Variants in SLC25A24 observed in about 807,000 individuals in gnomAD.
The protein encoded by SLC25A24 is solute carrier family 25 member 24, also known as mitochondrial adenyl nucleotide antiporter SLC25A24.
A neutral mutation model predicts 60.7 loss-of-function variants in SLC25A24; 49 were observed. The observed-to-expected ratio is 0.81, with a 90% CI of 0.64 to 1.02. The LOEUF (loss-of-function observed/expected upper bound fraction) is 1.02, where lower values mean the gene tolerates loss of function less well. SLC25A24 is among the 50% of genes least tolerant of loss of function. The pLI is 0.00. For missense variants in SLC25A24, 564 were observed against 586.3 expected (o/e 0.96, Z 0.39); for synonymous variants, 202 against 200.6 (o/e 1.01, Z -0.06).
rs181942129 is a variant in SLC25A24 at position 108,184,491 on chromosome 1, G to C, written c.310+1337C>G. On this transcript the variant is annotated intron_variant, in intron 2 of 9. Coordinates refer to ENST00000565488, the MANE Select transcript of SLC25A24 (RefSeq NM_013386.5). ...TTCCAACCCAAACTCAGCTCTTCCTGGCTGAGAGTCACAGATGTGAATAAT... is the reference window on the plus strand; with the variant it reads ...TTCCAACCCAAACTCAGCTCTTCCTCGCTGAGAGTCACAGATGTGAATAAT... 1.2e-4 allele frequency among the ~76,000 whole-genome samples: 18 copies of C among 152,324 alleles called. No individual in the cohort carries two copies. The East Asian group carries it at 3.3e-3, about 28-fold the overall frequency.
intron 3 of SLC25A24, among the ~76,000 whole-genome samples, chr1:108,181,270 CACA>C (rs1474308049): frequency 4.0e-5 from 6 of 149,186 alleles, no homozygotes; most frequent in Non-Finnish European, 5.9e-5. Context: ...TGAAAATATT[CACA>C]ACAATATTAA....
chr1:108,163,924 G>C lies in SLC25A24; in HGVS notation c.399-2631C>G, dbSNP rs192735848. Among the ~76,000 whole-genome samples, 379 of 152,266 alleles carry C rather than the reference G, an allele frequency of 2.5e-3. 1 individual carries two copies. Among genetic ancestry groups the C allele is most frequent in the African/African-American group, 8.7e-3 (360 of 41,536 alleles). On this transcript the variant is annotated intron_variant, in intron 3 of 9. Coordinates refer to ENST00000565488, the MANE Select transcript of SLC25A24 (RefSeq NM_013386.5). ...ACCCAGTCAGTATGATATTGGCTGT[G>C]GGTTTGTCATAGATAGCTGTTATTA... is the stretch of plus-strand genomic sequence containing the variant.
At chr1:108,180,921 AT>A (rs1204514716) in intron 3 of SLC25A24, among the ~76,000 whole-genome samples, 4 of 152,258 alleles carry the variant, frequency 2.6e-5, no homozygotes, top group African/African-American at 9.6e-5. Context: ...ATATAGGAAT[AT>A]GATTTCTGGC....
At chr1:108,175,201 A>G (rs1476465413) in intron 3 of SLC25A24, among the ~76,000 whole-genome samples, 12 of 152,194 alleles carry the variant, frequency 7.9e-5, no homozygotes, top group Non-Finnish European at 1.2e-4. Context: ...ATGTCACAGG[A>G]GGGACCCAGT....
intron 8 of SLC25A24, among the ~76,000 whole-genome samples, chr1:108,142,709 T>C (rs919555694): frequency 3.3e-5 from 5 of 152,196 alleles, no homozygotes; most frequent in African/African-American, 9.6e-5. Context: ...TTGCACAATA[T>C]TGTGAATGTA....
chr1:108,160,981 G>C (rs1680061057), intron 4 of SLC25A24, among the ~76,000 whole-genome samples: 1 of 151,882 alleles, frequency 6.6e-6, no homozygotes, highest in Non-Finnish European at 1.5e-5. Flanking sequence ...GGGAGAGAGA[G>C]GGAGAGGGAG....
At chr1:108,178,051 G>A (rs1434369408) in intron 3 of SLC25A24, among the ~76,000 whole-genome samples, 3 of 151,872 alleles carry the variant, frequency 2.0e-5, no homozygotes, top group Non-Finnish European at 2.9e-5. Flanking sequence ...TAGTCCCAGC[G>A]ACTCGGGAGG....
chr1:108,161,067 G>A (rs1162373649), intron 4 of SLC25A24, 115 bp downstream of exon 4: 2 of 599,710 alleles, frequency 3.3e-6, no homozygotes, highest in Non-Finnish European at 5.9e-6. Flanking sequence ...TACAGGTTAA[G>A]GAGCTACTGG....
chr1:108,179,629 C>T (rs1027228163), intron 3 of SLC25A24, among the ~76,000 whole-genome samples: 25 of 151,790 alleles, frequency 1.6e-4, no homozygotes, highest in African/African-American at 6.0e-4. Flanking sequence ...ATGAAATAAG[C>T]CAGGTAAAGA....
chr1:108,186,266 G>A (rs1254155065), intron 1 of SLC25A24, among the ~76,000 whole-genome samples: 1 of 152,088 alleles, frequency 6.6e-6, no homozygotes, highest in Non-Finnish European at 1.5e-5. Flanking sequence ...CCCCAAGATA[G>A]AAGACAACCA....
chr1:108,156,138 G>A (rs1343618653), intron 5 of SLC25A24, among the ~76,000 whole-genome samples: 1 of 152,200 alleles, frequency 6.6e-6, no homozygotes, highest in Non-Finnish European at 1.5e-5. Flanking sequence ...AGGAAAGTAA[G>A]ACATGGAGAC....
Position 108,154,555 on chromosome 1 carries a change from T to G in SLC25A24, c.822+428A>C, listed in dbSNP as rs147562660. On this transcript the variant is annotated intron_variant, in intron 6 of 9. Transcript: ENST00000565488. ...GTACATGGGGAAGAAGCCACGCCCC[T>G]GCCTTCATGGAGGTGTCACTCCAAA... 1.7e-3 allele frequency among the ~76,000 whole-genome samples: 266 copies of G among 152,334 alleles called. 1 individual carries two copies. The highest frequency in any genetic ancestry group is 6.2e-3 in the African/African-American group (256 of 41,576).
In SLC25A24 at chr1:108,193,002, C is replaced by T. The variant is rs1471236927; in HGVS notation, c.183+6954G>A. Among the ~76,000 whole-genome samples, 3 of 139,468 alleles carry T rather than the reference C, an allele frequency of 2.2e-5. 1 individual carries two copies. The highest frequency in any genetic ancestry group is 4.7e-5 in the Non-Finnish European group (3 of 63,642). 91.5% of individuals were successfully genotyped at this position (139,468 alleles called of 152,430 possible). A position where few individuals can be genotyped will look rare whatever the true frequency, so the allele number is the denominator to read the frequency against. The stretch of plus-strand genomic sequence containing the variant: ...CCAGAAACTTCCAGGGAGAACCCAG[C>T]ACAGGGCCATCTGAAAGTATAGCTT... On this transcript the variant is annotated intron_variant, in intron 1 of 9. Transcript: ENST00000565488.
chr1:108,163,986 A>G (rs1395062464), intron 3 of SLC25A24, among the ~76,000 whole-genome samples: 4 of 152,150 alleles, frequency 2.6e-5, no homozygotes, highest in Admixed American at 1.3e-4. Context: ...AATTTATTGA[A>G]AGTTTTTAGC....
intron 2 of SLC25A24, among the ~76,000 whole-genome samples, chr1:108,184,854 C>G (rs945671924): frequency 5.3e-5 from 8 of 152,136 alleles, no homozygotes; most frequent in African/African-American, 1.9e-4. Context: ...ATTTGTTTAA[C>G]CTGTTTCTTT....
chr1:108,180,207 T>TAA (rs71573044), intron 3 of SLC25A24, among the ~76,000 whole-genome samples: 4 of 149,802 alleles, frequency 2.7e-5, no homozygotes, highest in Admixed American at 6.6e-5. Context: ...CTAGTAAAAA[T>TAA]AAAAAAAAAT....
chr1:108,196,438 A>C (rs762142673), intron 1 of SLC25A24, among the ~76,000 whole-genome samples: 2 of 152,216 alleles, frequency 1.3e-5, no homozygotes, highest in Non-Finnish European at 2.9e-5. Context: ...CTGCATTTTA[A>C]GAATAAGAAA....
At chr1:108,189,612 C>T (rs568194129) in intron 1 of SLC25A24, among the ~76,000 whole-genome samples, 5 of 152,150 alleles carry the variant, frequency 3.3e-5, no homozygotes, top group South Asian at 2.1e-4. Context: ...GTCAGAAGTA[C>T]AAGACCAGTC....
rs901051520 is a variant in SLC25A24 at position 108,162,385 on chromosome 1, G to T, written c.399-1092C>A. On this transcript the variant is annotated intron_variant, in intron 3 of 9. Coordinates refer to ENST00000565488, the MANE Select transcript of SLC25A24 (RefSeq NM_013386.5). Reference sequence around the variant, plus strand: ...AATTGCCACACTGACTTCCACAAGGGTTGAACTAGTTTACAGTCCCACCAA... The same window carrying T: ...AATTGCCACACTGACTTCCACAAGGTTTGAACTAGTTTACAGTCCCACCAA... 4.7e-5 allele frequency among the ~76,000 whole-genome samples: 7 copies of T among 150,276 alleles called. No individual in the cohort carries two copies. The South Asian group carries it at 1.1e-3, about 23-fold the overall frequency.
Sources: gnomAD v4.1 joint callset for allele counts (sites outside exome capture counted in the v4.1 genomes callset) on GRCh38, gnomAD v4.1.1 for gene constraint, MANE v1.5 for transcripts, NCBI Gene and HGNC (gene_info 2026-07-23, HGNC 2026-07-21) for gene names.